FOXO1: variants seen among roughly 807,000 people sequenced by gnomAD.
The protein encoded by FOXO1 is forkhead box protein O1.
In FOXO1, 6 loss-of-function variants were observed where a neutral mutation model predicts 44.1. The observed-to-expected ratio is 0.14, with a 90% CI of 0.07 to 0.27. The LOEUF is 0.27. Ranked by LOEUF, FOXO1 falls within the 10% of genes least tolerant of loss-of-function variation. The pLI, the probability that FOXO1 is intolerant of heterozygous loss-of-function variation, is 1.00. For synonymous variants in FOXO1, 380 were observed against 362.7 expected, an observed-to-expected ratio of 1.05 and a Z score of -0.54; for missense variants, 737 against 888.8, an observed-to-expected ratio of 0.83 and a Z score of 2.17.
At chr13:40,564,869 C>G (rs988163462) in intron 1 of FOXO1, among the ~76,000 whole-genome samples, 2 of 152,164 alleles carry the variant, frequency 1.3e-5, no homozygotes, top group African/African-American at 4.8e-5. Flanking sequence ...CATCTGCCAT[C>G]TGCATGCCTG....
chr13:40,650,172 T>C (rs1015612417), intron 1 of FOXO1, among the ~76,000 whole-genome samples: 2 of 152,222 alleles, frequency 1.3e-5, no homozygotes, highest in African/African-American at 4.8e-5. Context: ...AGTAACTTCC[T>C]GACTTTGCCA....
At position 40,591,673 on chromosome 13, in the gene FOXO1, C is replaced by T. The variant is rs544055561; in HGVS notation, c.631-30813G>A. ...TTTTATAATTTTACTAGTCTTGTTA[C>T]TTTCATAAAACTATAGCAAAAACTA... On this transcript the variant is annotated intron_variant, in intron 1 of 2. Transcript: ENST00000379561. 3.9e-5 allele frequency among the ~76,000 whole-genome samples: 6 copies of T among 152,262 alleles called. No individual in the cohort carries two copies. In the South Asian group the frequency reaches 1.2e-3, roughly 32 times the overall value.
chr13:40,590,215 C>G (rs1312917542), intron 1 of FOXO1, among the ~76,000 whole-genome samples: 3 of 152,132 alleles, frequency 2.0e-5, no homozygotes, highest in African/African-American at 7.2e-5. Flanking sequence ...TTCAGATAAA[C>G]AAGAAACCTA....
At chr13:40,604,109 C>A (rs1593396238) in intron 1 of FOXO1, among the ~76,000 whole-genome samples, 1 of 151,730 alleles carries the variant, frequency 6.6e-6, no homozygotes, top group Non-Finnish European at 1.5e-5. Context: ...GGGAAAACTA[C>A]AGAGTGGCTT....
At chr13:40,600,654 C>T (rs1875782741) in intron 1 of FOXO1, among the ~76,000 whole-genome samples, 1 of 152,180 alleles carries the variant, frequency 6.6e-6, no homozygotes, top group South Asian at 2.1e-4. Context: ...GTATGCTAAA[C>T]TTAGTAAATT....
chr13:40,595,401 C>A (rs1032421531), intron 1 of FOXO1, among the ~76,000 whole-genome samples: 1 of 152,118 alleles, frequency 6.6e-6, no homozygotes, highest in South Asian at 2.1e-4. Context: ...CGCAGATCCT[C>A]GTTCAGTATT....
chr13:40,658,655 G>A (rs1297666857), intron 1 of FOXO1, among the ~76,000 whole-genome samples: 1 of 152,224 alleles, frequency 6.6e-6, no homozygotes, highest in Non-Finnish European at 1.5e-5. Context: ...AAGCCAGATG[G>A]CAGGAGGACC....
At chr13:40,627,423 A>G (rs1876820122) in intron 1 of FOXO1, among the ~76,000 whole-genome samples, 1 of 152,238 alleles carries the variant, frequency 6.6e-6, no homozygotes, top group Non-Finnish European at 1.5e-5. Context: ...TAATGCTCAA[A>G]TGCACTGTAT....
intron 1 of FOXO1, among the ~76,000 whole-genome samples, chr13:40,561,667 T>TATATAGA (rs1874024541): frequency 6.6e-6 from 1 of 151,806 alleles, no homozygotes; most frequent in African/African-American, 2.4e-5. Context: ...GAATATAGAA[T>TATATAGA]ATATAGAATA....
chr13:40,580,781 G>A (rs1414893749), intron 1 of FOXO1, among the ~76,000 whole-genome samples: 1 of 152,164 alleles, frequency 6.6e-6, no homozygotes, highest in Non-Finnish European at 1.5e-5. Flanking sequence ...ACTATTAGCA[G>A]TAGCAACAAA....
intron 1 of FOXO1, among the ~76,000 whole-genome samples, chr13:40,606,726 T>C (rs557347412): frequency 2.0e-4 from 30 of 152,224 alleles, no homozygotes; most frequent in African/African-American, 7.0e-4. Flanking sequence ...TTGTCCATAC[T>C]AGACACTACT....
Position 40,560,066 on chromosome 13 carries a change from G to A in FOXO1, c.1425C>T (p.Asp475=). 1 of 1,614,168 alleles carries A rather than the reference G, an allele frequency of 6.2e-7. No individual in the cohort carries two copies. The highest frequency in any genetic ancestry group is 8.5e-7 in the Non-Finnish European group (1 of 1,180,036). Residue 475 remains aspartate (D), a synonymous_variant, in exon 2 of 3, where the codon GAC becomes GAT. Coordinates refer to ENST00000379561, the MANE Select transcript of FOXO1 (RefSeq NM_002015.4). This position sits in a 1 kb window ranked among gnomAD's most constrained non-coding sequence, Gnocchi z 5.1. ...LLTSDSPPHN[D]IMTPVDPGVA... is the part of the protein sequence containing the mutation. ...CCCCAGGATCAACTGGTGTCATAAT[G>A]TCATTATGGGGAGGAGAGTCAGAAG...
At chr13:40,628,543 CTT>C (rs1876862748) in intron 1 of FOXO1, among the ~76,000 whole-genome samples, 3 of 152,096 alleles carry the variant, frequency 2.0e-5, no homozygotes, top group South Asian at 4.1e-4. Flanking sequence ...TCCTCTTCAG[CTT>C]TTTTGTTCAC....
At chr13:40,628,428 C>T (rs974229923) in intron 1 of FOXO1, among the ~76,000 whole-genome samples, 1 of 151,754 alleles carries the variant, frequency 6.6e-6, no homozygotes, top group African/African-American at 2.4e-5. Flanking sequence ...ACTCTCGCAA[C>T]TTGTCTGGAC....
chr13:40,664,692 G>A (rs79224640), intron 1 of FOXO1, among the ~76,000 whole-genome samples: 1 of 152,140 alleles, frequency 6.6e-6, no homozygotes. Flanking sequence ...CTCCTACCAG[G>A]GGCAAGACCA....
At chr13:40,580,016 CAAT>C (rs1874900424) in intron 1 of FOXO1, among the ~76,000 whole-genome samples, 1 of 152,184 alleles carries the variant, frequency 6.6e-6, no homozygotes, top group South Asian at 2.1e-4. Flanking sequence ...TTGATGAATA[CAAT>C]AATGTTGCTT....
intron 1 of FOXO1, among the ~76,000 whole-genome samples, chr13:40,641,650 G>A (rs1230622516): frequency 6.6e-6 from 1 of 151,964 alleles, no homozygotes; most frequent in Admixed American, 6.6e-5. Context: ...TCTCTTTGCT[G>A]TAGCAAACTG....
chr13:40,559,429 G>T lies in FOXO1; in HGVS notation c.*14+80C>A, dbSNP rs539369700. On this transcript the variant is annotated intron_variant, in intron 2 of 2. Coordinates refer to ENST00000379561, the MANE Select transcript of FOXO1 (RefSeq NM_002015.4). ...GACAGTCAGTTGACATCAAAGATGT[G>T]CTAACCATGGCAAGTTACTGTGTTC... The T allele has an allele frequency of 5.8e-4, 752 of 1,297,454 alleles. 1 individual carries two copies. Among genetic ancestry groups the T allele is most frequent in the Middle Eastern group, 1.4e-3 (6 of 4,364 alleles). 80.4% of individuals were successfully genotyped at this position (1,297,454 alleles called of 1,614,324 possible). A position where few individuals can be genotyped will look rare whatever the true frequency, so the allele number is the denominator to read the frequency against.
At chr13:40,630,317 GTTC>G (rs888380344) in intron 1 of FOXO1, among the ~76,000 whole-genome samples, 9 of 151,996 alleles carry the variant, frequency 5.9e-5, no homozygotes, top group Non-Finnish European at 1.2e-4. Context: ...GTTTGCTTTT[GTTC>G]TTCTTTTTGT....
Sources: allele counts gnomAD v4.1 joint callset (sites outside exome capture counted in the v4.1 genomes callset), GRCh38; gene constraint gnomAD v4.1.1; non-coding constraint Gnocchi (gnomAD v3.1); transcripts MANE v1.5; gene names NCBI Gene and HGNC (gene_info 2026-07-23, HGNC 2026-07-21).